ARHGEF7: variants seen among roughly 807,000 people sequenced by gnomAD.
ARHGEF7 encodes the protein Rho guanine nucleotide exchange factor 7.
In ARHGEF7, 33 loss-of-function variants were observed where a neutral mutation model predicts 109.8. That is an observed-to-expected ratio of 0.30 (90% confidence interval 0.23 to 0.40). ARHGEF7 has a LOEUF of 0.40. Ranked by LOEUF, ARHGEF7 falls within the 10% of genes least tolerant of loss-of-function variation. The pLI, the probability that ARHGEF7 is intolerant of heterozygous loss-of-function variation, is 1.00. For synonymous variants in ARHGEF7, 458 were observed against 424.6 expected (o/e 1.08, Z -0.97); for missense variants, 938 against 1,098.5 (o/e 0.85, Z 2.07).
intron 2 of ARHGEF7, among the ~76,000 whole-genome samples, chr13:111,194,872 TCCTTGAGGTCC>T (rs201443454): frequency 0.019 from 2,831 of 152,296 alleles, 94 homozygotes; most frequent in African/African-American, 0.065. Context: ...GAAGGCGGCA[TCCTTGAGGTCC>T]AGAATAGTGA....
Position 111,233,167 on chromosome 13 carries a change from G to A in ARHGEF7, c.671-38G>A, listed in dbSNP as rs549128964. On this transcript the variant is annotated intron_variant, in intron 5 of 21. Coordinates refer to ENST00000646102, the MANE Select transcript of ARHGEF7 (RefSeq NM_001354046.2). ...GGGGCTGGAACTTTTGTCATCTTTA[G>A]TACTGATCAGTAAAACTATGTTACA... 9 of 1,542,166 alleles carry A rather than the reference G, an allele frequency of 5.8e-6. No individual in the cohort carries two copies. In the South Asian group the frequency reaches 7.8e-5, roughly 13 times the overall value.
chr13:111,228,719 G>A lies in ARHGEF7; in HGVS notation c.671-4486G>A, dbSNP rs972693719. Among the ~76,000 whole-genome samples, 2 of 152,040 alleles carry A rather than the reference G, an allele frequency of 1.3e-5. No individual in the cohort carries two copies. The highest frequency in any genetic ancestry group is 4.8e-5 in the African/African-American group (2 of 41,392). On this transcript the variant is annotated intron_variant, in intron 5 of 21. Coordinates refer to ENST00000646102, the MANE Select transcript of ARHGEF7 (RefSeq NM_001354046.2). This position sits in a 1 kb window ranked among gnomAD's most constrained non-coding sequence, Gnocchi z 4.6. Reference sequence around the variant, plus strand: ...GCGGCAGGCAGACACTGCTGAGCACGGGCAGACACACACAGACATTGACTC... The same window carrying A: ...GCGGCAGGCAGACACTGCTGAGCACAGGCAGACACACACAGACATTGACTC...
At chr13:111,167,184 T>C (rs1240599568) in intron 2 of ARHGEF7, among the ~76,000 whole-genome samples, 1 of 152,126 alleles carries the variant, frequency 6.6e-6, no homozygotes, top group East Asian at 1.9e-4. Context: ...AGAAGCACCA[T>C]GCAAAAATAG....
intron 5 of ARHGEF7, among the ~76,000 whole-genome samples, chr13:111,220,703 C>A (rs1166089788): frequency 1.3e-5 from 2 of 152,096 alleles, no homozygotes; most frequent in Non-Finnish European, 2.9e-5. Flanking sequence ...CAGAGGACGC[C>A]CTCCAAAGGA....
At chr13:111,147,939 C>T (rs1027402597) in intron 1 of ARHGEF7, among the ~76,000 whole-genome samples, 9 of 152,028 alleles carry the variant, frequency 5.9e-5, no homozygotes, top group African/African-American at 1.9e-4. Context: ...CCTCGTGATC[C>T]GCCCGCCTCG....
intron 2 of ARHGEF7, among the ~76,000 whole-genome samples, chr13:111,187,824 C>CAGAGT (rs1225740058): frequency 6.6e-6 from 1 of 152,244 alleles, no homozygotes; most frequent in Admixed American, 6.5e-5. Context: ...GTCCGCTAGG[C>CAGAGT]AGAGTGGCTG....
Position 111,303,101 on chromosome 13 carries a change from G to T in ARHGEF7, c.2577G>T (p.Glu859Asp). 1 of 1,607,960 alleles carries T rather than the reference G, an allele frequency of 6.2e-7. No individual in the cohort carries two copies. The highest frequency in any genetic ancestry group is 8.5e-7 in the Non-Finnish European group (1 of 1,176,642). ...ACATGAATGATCCTGCCTGGGATGA[G>T]ACCAATCTATAAGGGATGTCCTCAG... Reference protein sequence around the residue: ...LKNMNDPAWDETNL With the variant: ...LKNMNDPAWDDTNL Residue 859 changes from glutamate to aspartate, a missense_variant, in exon 22 of 22, where the codon GAG (glutamate) becomes GAT (aspartate). By Grantham distance (45) the Glu-to-Asp change is conservative. Coordinates refer to ENST00000646102, the MANE Select transcript of ARHGEF7 (RefSeq NM_001354046.2).
At chr13:111,298,698 G>A (rs2093481578) in intron 19 of ARHGEF7, among the ~76,000 whole-genome samples, 4 of 152,246 alleles carry the variant, frequency 2.6e-5, no homozygotes, top group African/African-American at 7.2e-5. Context: ...ATAGGTCACC[G>A]TGTGTGTGGG....
chr13:111,217,177 T>C (rs994271298), intron 4 of ARHGEF7, among the ~76,000 whole-genome samples: 1 of 152,204 alleles, frequency 6.6e-6, no homozygotes, highest in African/African-American at 2.4e-5. Flanking sequence ...TATTCAAAGA[T>C]AGACATACAA....
chr13:111,191,006 A>C lies in ARHGEF7; in HGVS notation c.253-14283A>C, dbSNP rs1454472332. The stretch of plus-strand genomic sequence containing the variant: ...AAAAAACTGTTTTGTATCTACTAGG[A>C]ACCATTCATTAGAGAGAGTGATTGA... On this transcript the variant is annotated intron_variant, in intron 2 of 21. Coordinates refer to ENST00000646102, the MANE Select transcript of ARHGEF7 (RefSeq NM_001354046.2). Among the ~76,000 whole-genome samples, 8 of 152,242 alleles carry C rather than the reference A, an allele frequency of 5.3e-5. No homozygotes were observed. The East Asian group carries it at 1.5e-3, about 29-fold the overall frequency.
Position 111,115,495 on chromosome 13 carries a change from GC to G in ARHGEF7, c.-28del. ...CCGCCGCTCCGAGGTGAAGGCGCGC[GC>G]CCCTCCCCGCCTGCCTCCCGGGCCG... On this transcript the variant is annotated 5_prime_UTR_variant, in exon 1 of 22. Coordinates refer to ENST00000646102, the MANE Select transcript of ARHGEF7 (RefSeq NM_001354046.2). 8.3e-7 allele frequency: 1 copy of G among 1,209,716 alleles called. No individual in the cohort carries two copies. The highest frequency in any genetic ancestry group is 5.0e-5 in the East Asian group (1 of 19,904). The allele number at this position is 1,209,716 out of a possible 1,614,324, so 74.9% of individuals were successfully genotyped here. A position where few individuals can be genotyped will look rare whatever the true frequency, so the allele number is the denominator to read the frequency against.
intron 6 of ARHGEF7, chr13:111,241,062 G>C: frequency 7.4e-7 from 1 of 1,358,708 alleles, no homozygotes; most frequent in Non-Finnish European, 9.8e-7. Context: ...GCTGTGCTCT[G>C]AGGCGGGCAG....
chr13:111,115,572 G>A lies in ARHGEF7; in HGVS notation c.46G>A (p.Val16Met). 1 of 1,428,094 alleles carries A rather than the reference G, an allele frequency of 7.0e-7. No individual in the cohort carries two copies. Among genetic ancestry groups the A allele is most frequent in the Non-Finnish European group, 9.3e-7 (1 of 1,074,566 alleles). The allele number at this position is 1,428,094 out of a possible 1,614,324, so 88.5% of individuals were successfully genotyped here. ...QTVTWLITLGVLESPKKTISD... is the reference protein window; with the variant it reads ...QTVTWLITLGMLESPKKTISD... ...CGTTACGTGGCTCATCACTCTGGGG[G>A]TGCTGGAGTCGCCCAAAAAAACCAT... Residue 16 changes from valine to methionine, a missense_variant, in exon 1 of 22, where the codon GTG becomes ATG. This residue lies in a region of ARHGEF7 where 165 missense variants were observed against 125.8 expected (regional missense o/e 1.31). Transcript: ENST00000646102.
chr13:111,273,717 T>C lies in ARHGEF7; in HGVS notation c.1074-97T>C, dbSNP rs576365186. 3.3e-5 allele frequency: 50 copies of C among 1,519,280 alleles called. No individual in the cohort carries two copies. In the East Asian group the frequency reaches 3.9e-4, roughly 12 times the overall value. 94.1% of individuals were successfully genotyped at this position (1,519,280 alleles called of 1,614,324 possible). A position where few individuals can be genotyped will look rare whatever the true frequency, so the allele number is the denominator to read the frequency against. On this transcript the variant is annotated intron_variant, in intron 9 of 21. Coordinates refer to ENST00000646102, the MANE Select transcript of ARHGEF7 (RefSeq NM_001354046.2). The surrounding 1 kb of genome is among the most constrained non-coding windows in gnomAD (Gnocchi z 4.5). ...TTCCAGATGTTAAAAGCAACACTTA[T>C]GTTTCATAAATTCTGGCTGTTGCTC... is the stretch of plus-strand genomic sequence containing the variant.
At chr13:111,240,136 G>T (rs1009441262) in intron 6 of ARHGEF7, among the ~76,000 whole-genome samples, 1 of 152,180 alleles carries the variant, frequency 6.6e-6, no homozygotes, top group African/African-American at 2.4e-5. Flanking sequence ...TGGGAGCCCA[G>T]GTCCACGTGG....
intron 1 of ARHGEF7, among the ~76,000 whole-genome samples, chr13:111,132,477 A>G (rs187301855): frequency 4.6e-5 from 7 of 152,330 alleles, no homozygotes; most frequent in Admixed American, 3.9e-4. Context: ...TCTAGATTTG[A>G]TATCATTAAG....
chr13:111,194,699 G>T (rs910822775), intron 2 of ARHGEF7, among the ~76,000 whole-genome samples: 1 of 152,216 alleles, frequency 6.6e-6, no homozygotes, highest in Non-Finnish European at 1.5e-5. Context: ...GGACCAGAGT[G>T]CCTGGACTTG....
At chr13:111,133,763 T>TTA (rs763290549) in intron 1 of ARHGEF7, among the ~76,000 whole-genome samples, 35 of 7,378 alleles carry the variant, frequency 4.7e-3, no homozygotes, top group African/African-American at 0.012. Context: ...CTGCTTTTCT[T>TTA]TATATATATA....
intron 2 of ARHGEF7, chr13:111,158,888 T>TTA (rs2076542893): frequency 1.6e-6 from 1 of 610,128 alleles, no homozygotes; most frequent in Non-Finnish European, 3.0e-6. Flanking sequence ...TAAAATCTAA[T>TTA]CTTTTAGCAA....
Sources: gnomAD v4.1 joint callset for allele counts (sites outside exome capture counted in the v4.1 genomes callset) on GRCh38, gnomAD v4.1.1 for gene constraint, gnomAD v4.1.1 regional missense constraint, Gnocchi (gnomAD v3.1) non-coding constraint, MANE v1.5 for transcripts, NCBI Gene and HGNC (gene_info 2026-07-23, HGNC 2026-07-21) for gene names.